The following GALNT9 variants were observed in gnomAD, a reference collection of about 807,000 sequenced individuals.
GALNT9 encodes polypeptide N-acetylgalactosaminyltransferase 9.
GALNT9 carries 47 observed loss-of-function variants against 63.1 expected under a neutral mutation model. That is an observed-to-expected ratio of 0.75 (90% CI 0.59 to 0.95). The LOEUF (loss-of-function observed/expected upper bound fraction) is 0.95, where lower values mean the gene tolerates loss of function less well. Ranked by LOEUF, GALNT9 falls within the 40% of genes least tolerant of loss-of-function variation. The probability of loss-of-function intolerance (pLI) is 0.00; values close to 1 mark genes in which losing one functional copy is unlikely to be tolerated. For missense variants in GALNT9, 829 were observed against 874.8 expected (o/e 0.95, Z 0.66); for synonymous variants, 396 against 365.7 (o/e 1.08, Z -0.94).
At chr12:132,213,289 A>G (rs1390023038) in intron 6 of GALNT9, among the ~76,000 whole-genome samples, 3 of 152,186 alleles carry the variant, frequency 2.0e-5, no homozygotes, top group Non-Finnish European at 4.4e-5. Context: ...ATGACACAGA[A>G]AACCCACCCA....
chr12:132,233,076 G>C (rs1260115714), intron 6 of GALNT9, among the ~76,000 whole-genome samples: 6 of 13,124 alleles, frequency 4.6e-4, no homozygotes, highest in African/African-American at 3.9e-4. Context: ...GGAGTCCCTA[G>C]TGCCACACAC....
In GALNT9 at chr12:132,262,574, G is replaced by A; in HGVS notation, c.471C>T (p.Phe157=). The A allele has an allele frequency of 2.6e-6, 4 of 1,551,484 alleles. No individual in the cohort carries two copies. The highest frequency in any genetic ancestry group is 3.5e-6 in the Non-Finnish European group (4 of 1,146,898). The part of the protein sequence containing the change: ...AQDLPQVSVV[F]IFVNEALSVI... ...CCGACAGCGCCTCATTGACGAAGAT[G>A]AAGACCACGGAGACCTGGGGCAGGT... The change falls in exon 3 of 11, where the codon TTC becomes TTT. Residue 157 remains phenylalanine (F), a synonymous_variant. Transcript: ENST00000328957.
chr12:132,293,280 G>C (rs1566015795), intron 1 of GALNT9, among the ~76,000 whole-genome samples: 1 of 152,244 alleles, frequency 6.6e-6, no homozygotes. Flanking sequence ...TGGCTCTAGA[G>C]ACACCGTGGA....
chr12:132,272,167 G>A (rs1555240799), intron 2 of GALNT9, among the ~76,000 whole-genome samples: 1 of 152,224 alleles, frequency 6.6e-6, no homozygotes. Flanking sequence ...TGTGGGCCAC[G>A]CCTGCTCATC....
intron 6 of GALNT9, among the ~76,000 whole-genome samples, chr12:132,217,430 CCACT>C (rs1455963759): frequency 4.1e-5 from 6 of 146,026 alleles, no homozygotes; most frequent in Admixed American, 2.7e-4. Context: ...ATCCATCCAT[CCACT>C]CATTCATCTA....
chr12:132,286,002 G>A lies in GALNT9; in HGVS notation c.419+248C>T, dbSNP rs943853331. Among the ~76,000 whole-genome samples the A allele has an allele frequency of 7.2e-5, 11 of 152,126 alleles. No homozygotes were observed. The highest frequency in any genetic ancestry group is 1.2e-4 in the Non-Finnish European group (8 of 67,990). On this transcript the variant is annotated intron_variant, in intron 2 of 10. Coordinates refer to ENST00000328957, the MANE Select transcript of GALNT9 (RefSeq NM_001122636.2). This position sits in a 1 kb window ranked among gnomAD's most constrained non-coding sequence, Gnocchi z 7.4. The stretch of plus-strand genomic sequence containing the variant: ...CCACTTTCCCACAGCAGACCTTTGC[G>A]CGTTTCTCCCAGGAGCCCGCAGCTC...
chr12:132,313,279 C>G (rs1397218877), intron 1 of GALNT9, among the ~76,000 whole-genome samples: 3 of 137,848 alleles, frequency 2.2e-5, no homozygotes, highest in Non-Finnish European at 4.7e-5. Flanking sequence ...CCATTCATCT[C>G]TCCACCCACC....
chr12:132,200,155 G>C (rs1489726519), intron 8 of GALNT9, among the ~76,000 whole-genome samples: 4 of 152,208 alleles, frequency 2.6e-5, no homozygotes, highest in African/African-American at 9.6e-5. Context: ...GTCAGCGCAG[G>C]GTGGACCAGG....
intron 2 of GALNT9, among the ~76,000 whole-genome samples, chr12:132,270,704 C>A (rs1240911329): frequency 6.6e-6 from 1 of 152,182 alleles, no homozygotes; most frequent in Non-Finnish European, 1.5e-5. Flanking sequence ...ACAGCCACAG[C>A]CACGGACACG....
Position 132,315,171 on chromosome 12 carries a change from G to A in GALNT9, c.238+13795C>T, listed in dbSNP as rs528390258. 1.3e-5 allele frequency among the ~76,000 whole-genome samples: 2 copies of A among 152,294 alleles called. No homozygotes were observed. The highest frequency in any genetic ancestry group is 4.1e-4 in the South Asian group (2 of 4,824). The stretch of plus-strand genomic sequence containing the variant: ...GCTCTAGCCACATTTTAACCACAAG[G>A]CTCTGCACCGAGCAACTAAGATAAT... On this transcript the variant is annotated intron_variant, in intron 1 of 10. Transcript: ENST00000328957. The surrounding 1 kb of genome is among the most constrained non-coding windows in gnomAD (Gnocchi z 6.1).
chr12:132,202,422 G>C (rs1876223191), intron 7 of GALNT9, among the ~76,000 whole-genome samples: 1 of 152,198 alleles, frequency 6.6e-6, no homozygotes. Context: ...CTGGATGCTG[G>C]ATTTGCAGTG....
chr12:132,259,451 C>T (rs1360673338), intron 4 of GALNT9, among the ~76,000 whole-genome samples: 2 of 152,202 alleles, frequency 1.3e-5, no homozygotes, highest in East Asian at 3.8e-4. Flanking sequence ...AGCTGATAAA[C>T]ATCGAGGGAA....
intron 5 of GALNT9, among the ~76,000 whole-genome samples, chr12:132,256,602 GTGGAGGGGGA>G (rs1879123975): frequency 1.7e-5 from 2 of 119,698 alleles, no homozygotes; most frequent in Non-Finnish European, 3.6e-5. Context: ...GAGGGGGACA[GTGGAGGGGGA>G]ACACTGGAGG....
Position 132,327,815 on chromosome 12 carries a change from C to T in GALNT9, c.238+1151G>A, listed in dbSNP as rs1555246626. ...TCCTCATGGGGATTCACCTCCCCCT[C>T]CCACCCCACGGCCTGTCTGCAGCCC... is the stretch of plus-strand genomic sequence containing the variant. On this transcript the variant is annotated intron_variant, in intron 1 of 10. Transcript: ENST00000328957. The surrounding 1 kb of genome is among the most constrained non-coding windows in gnomAD (Gnocchi z 4.3). 6.6e-6 allele frequency among the ~76,000 whole-genome samples: 1 copy of T among 151,510 alleles called. No individual in the cohort carries two copies. Among genetic ancestry groups the T allele is most frequent in the East Asian group, 2.0e-4 (1 of 5,126 alleles).
intron 6 of GALNT9, among the ~76,000 whole-genome samples, chr12:132,226,701 C>G (rs1877705193): frequency 6.8e-6 from 1 of 147,090 alleles, no homozygotes; most frequent in Non-Finnish European, 1.5e-5. Context: ...ACCCACCCCA[C>G]ACACTGTACA....
At chr12:132,240,952 C>A (rs2136900275) in intron 6 of GALNT9, among the ~76,000 whole-genome samples, 76 of 115,672 alleles carry the variant, frequency 6.6e-4, no homozygotes, top group East Asian at 3.5e-3. Flanking sequence ...ACCCCCTTCC[C>A]GGGGCCCTCC....
At chr12:132,204,127 C>T (rs1196910438) in intron 6 of GALNT9, among the ~76,000 whole-genome samples, 2 of 150,288 alleles carry the variant, frequency 1.3e-5, no homozygotes, top group African/African-American at 2.5e-5. Context: ...CACCGCTCCA[C>T]GCATCCCCAG....
chr12:132,239,451 G>C (rs1245236798), intron 6 of GALNT9, among the ~76,000 whole-genome samples: 1 of 150,492 alleles, frequency 6.6e-6, no homozygotes, highest in African/African-American at 2.4e-5. Context: ...CAGAGACAGA[G>C]AGGCAGAGAG....
At chr12:132,299,198 G>T (rs1881197801) in intron 1 of GALNT9, among the ~76,000 whole-genome samples, 1 of 123,974 alleles carries the variant, frequency 8.1e-6, no homozygotes, top group Admixed American at 9.5e-5. Flanking sequence ...CCACTCCTGA[G>T]ATGACTCACT....
Sources: allele counts gnomAD v4.1 joint callset (sites outside exome capture counted in the v4.1 genomes callset), GRCh38; gene constraint gnomAD v4.1.1; non-coding constraint Gnocchi (gnomAD v3.1); transcripts MANE v1.5; gene names NCBI Gene and HGNC (gene_info 2026-07-23, HGNC 2026-07-21).